Variants in HIVEP2 observed in about 807,000 individuals in gnomAD.
The protein encoded by HIVEP2 is transcription factor HIVEP2.
Under a neutral mutation model 180.7 loss-of-function variants are expected in HIVEP2, and 14 were observed. The ratio of observed to expected loss-of-function variants is 0.08; its 90% CI spans 0.05 to 0.12. The LOEUF (loss-of-function observed/expected upper bound fraction) is 0.12, where lower values mean the gene tolerates loss of function less well. Among genes scored for constraint, HIVEP2 ranks in the 10% least tolerant of loss-of-function variants. The pLI, the probability that HIVEP2 is intolerant of heterozygous loss-of-function variation, is 1.00. For synonymous variants in HIVEP2, 1,184 were observed against 1,136.4 expected, an observed-to-expected ratio of 1.04 and a Z score of -0.84; for missense variants, 2,579 against 3,008.5, an observed-to-expected ratio of 0.86 and a Z score of 3.34.
chr6:142,894,008 C>T (rs1053866898), intron 1 of HIVEP2, among the ~76,000 whole-genome samples: 3 of 152,202 alleles, frequency 2.0e-5, no homozygotes, highest in East Asian at 1.9e-4. Flanking sequence ...CACAAACATT[C>T]GCTCACTTAA....
Position 142,885,960 on chromosome 6 carries a change from C to T in HIVEP2, c.-640-48913G>A, listed in dbSNP as rs1169818268. Among the ~76,000 whole-genome samples, 4 of 152,156 alleles carry T rather than the reference C, an allele frequency of 2.6e-5. No individual in the cohort carries two copies. In the East Asian group the frequency reaches 7.7e-4, roughly 29 times the overall value. ...ATCAGTCCAAAGAAATACAGCCTTACTTGCTTTCCAAATAAACTTTAGGAA... is the reference window on the plus strand; with the variant it reads ...ATCAGTCCAAAGAAATACAGCCTTATTTGCTTTCCAAATAAACTTTAGGAA... On this transcript the variant is annotated intron_variant, in intron 1 of 9. Transcript: ENST00000367603.
At position 142,753,928 on chromosome 6, in the gene HIVEP2, A is replaced by T; in HGVS notation, c.6520T>A (p.Leu2174Ile). 1 of 1,550,402 alleles carries T rather than the reference A, an allele frequency of 6.4e-7. No homozygotes were observed. Among genetic ancestry groups the T allele is most frequent in the South Asian group, 1.1e-5 (1 of 87,704 alleles). ...GGAACCTGAGGTAATCCTCTTCTTA[A>T]ATTCTGCGCAGAGAAACAAAGAGAG... ...AEPIVLGPPN[L>I]RRGLPQVPYF... Residue 2174 changes from leucine to isoleucine, a missense_variant, in exon 10 of 10, where the codon TTA becomes ATA. By Grantham distance (5) the Leu-to-Ile change is conservative. Coordinates refer to ENST00000367603, the MANE Select transcript of HIVEP2 (RefSeq NM_006734.4).
chr6:142,898,270 A>T (rs1452192798), intron 1 of HIVEP2, among the ~76,000 whole-genome samples: 1 of 152,180 alleles, frequency 6.6e-6, no homozygotes, highest in African/African-American at 2.4e-5. Flanking sequence ...ACAGGTGATA[A>T]ACTGGAGAAG....
Position 142,753,594 on chromosome 6 carries a change from C to T in HIVEP2, c.6854G>A (p.Arg2285Gln), listed in dbSNP as rs894058552. ...AGATGACTGCAAAGCGTGAGGACCT[C>T]GCTTCTCATGCTGCTTAGAAAGCAC... is the stretch of plus-strand genomic sequence containing the variant. The part of the protein sequence containing the change: ...PYVLSKQHEK[R>Q]GPHALQSSGP... Residue 2285 changes from arginine to glutamine, a missense_variant, in exon 10 of 10, where the codon CGA (arginine) becomes CAA (glutamine). Around this residue, in one of 11 missense-constraint regions of HIVEP2, gnomAD observed 660 missense variants for 731.7 expected, o/e 0.90. Transcript: ENST00000367603. 4 of 1,614,006 alleles carry T rather than the reference C, an allele frequency of 2.5e-6. No individual in the cohort carries two copies. In the African/African-American group the frequency reaches 5.3e-5, roughly 22 times the overall value.
chr6:142,831,224 AG>A (rs927414240), intron 2 of HIVEP2, among the ~76,000 whole-genome samples: 5 of 152,196 alleles, frequency 3.3e-5, no homozygotes, highest in African/African-American at 1.2e-4. Context: ...GGGATATGGG[AG>A]GAAATCAGAA....
At chr6:142,862,763 G>A (rs1182443258) in intron 1 of HIVEP2, among the ~76,000 whole-genome samples, 2 of 131,602 alleles carry the variant, frequency 1.5e-5, no homozygotes, top group African/African-American at 2.9e-5. Flanking sequence ...CATATATTAT[G>A]TAATATATTA....
intron 1 of HIVEP2, among the ~76,000 whole-genome samples, chr6:142,862,872 T>C (rs1427462322): frequency 7.7e-6 from 1 of 129,904 alleles, no homozygotes; most frequent in Non-Finnish European, 1.5e-5. Flanking sequence ...TATAAATATC[T>C]ATTATATGTA....
At chr6:142,818,196 A>C (rs1194727597) in intron 2 of HIVEP2, among the ~76,000 whole-genome samples, 1 of 152,188 alleles carries the variant, frequency 6.6e-6, no homozygotes, top group East Asian at 1.9e-4. Flanking sequence ...AGCCAGCTTC[A>C]AACACAGCTT....
chr6:142,912,385 C>A (rs1197785370), intron 1 of HIVEP2, among the ~76,000 whole-genome samples: 1 of 152,236 alleles, frequency 6.6e-6, no homozygotes, highest in Non-Finnish European at 1.5e-5. Flanking sequence ...TCTCAAGCCC[C>A]TCTAGTAGAA....
At chr6:142,888,024 C>T (rs1443571029) in intron 1 of HIVEP2, among the ~76,000 whole-genome samples, 1 of 151,978 alleles carries the variant, frequency 6.6e-6, no homozygotes, top group Non-Finnish European at 1.5e-5. Context: ...ATTCATTCCC[C>T]TATGTCACTA....
intron 1 of HIVEP2, among the ~76,000 whole-genome samples, chr6:142,875,981 AAAG>A (rs1776424466): frequency 6.6e-6 from 1 of 152,280 alleles, no homozygotes; most frequent in East Asian, 1.9e-4. Context: ...GAATTTAGAT[AAAG>A]AAGATAGGAG....
At chr6:142,934,912 G>A (rs1364998214) in intron 1 of HIVEP2, among the ~76,000 whole-genome samples, 1 of 152,094 alleles carries the variant, frequency 6.6e-6, no homozygotes, top group East Asian at 1.9e-4. Context: ...GATCCAAACA[G>A]GCACACCAAG....
intron 2 of HIVEP2, among the ~76,000 whole-genome samples, chr6:142,796,023 G>A (rs890334877): frequency 6.6e-6 from 1 of 152,054 alleles, no homozygotes; most frequent in South Asian, 2.1e-4. Context: ...AGCCCACGTG[G>A]AGAGGACACA....
At chr6:142,918,352 ATTT>A (rs375530932) in intron 1 of HIVEP2, among the ~76,000 whole-genome samples, 1 of 152,058 alleles carries the variant, frequency 6.6e-6, no homozygotes, top group Non-Finnish European at 1.5e-5. Context: ...AGCCCTATTT[ATTT>A]TTTTCTATTA....
chr6:142,760,448 G>C lies in HIVEP2; in HGVS notation c.5840C>G (p.Pro1947Arg). The C allele has an allele frequency of 1.5e-5, 25 of 1,614,164 alleles. No homozygotes were observed. The highest frequency in any genetic ancestry group is 2.1e-5 in the Non-Finnish European group (25 of 1,180,028). Residue 1947 changes from proline (P) to arginine (R), a missense_variant, in exon 9 of 10, where the codon CCT becomes CGT. Coordinates refer to ENST00000367603, the MANE Select transcript of HIVEP2 (RefSeq NM_006734.4). ...GTGGGGTACGGCGCCAACATTCACAGGCAAGGAGGAGAATCTAGGAGGCTG... is the reference window on the plus strand; with the variant it reads ...GTGGGGTACGGCGCCAACATTCACACGCAAGGAGGAGAATCTAGGAGGCTG... ...SPQPPRFSSL[P>R]VNVGAVPHGV...
At chr6:142,932,092 G>A (rs1777954210) in intron 1 of HIVEP2, among the ~76,000 whole-genome samples, 1 of 152,046 alleles carries the variant, frequency 6.6e-6, no homozygotes, top group Non-Finnish European at 1.5e-5. Flanking sequence ...CCTCTCTCAT[G>A]GTACTTAACC....
intron 3 of HIVEP2, among the ~76,000 whole-genome samples, chr6:142,782,271 A>G (rs1404073065): frequency 6.6e-6 from 1 of 152,138 alleles, no homozygotes; most frequent in Non-Finnish European, 1.5e-5. Flanking sequence ...ACATCATTGT[A>G]TTTGTTATTA....
intron 2 of HIVEP2, among the ~76,000 whole-genome samples, chr6:142,827,036 C>G (rs1330898555): frequency 6.6e-6 from 1 of 152,068 alleles, no homozygotes; most frequent in Non-Finnish European, 1.5e-5. Flanking sequence ...ACTTTTGTGC[C>G]TTTGTGGGGT....
At chr6:142,831,572 T>A (rs910171015) in intron 2 of HIVEP2, among the ~76,000 whole-genome samples, 4 of 152,200 alleles carry the variant, frequency 2.6e-5, no homozygotes, top group African/African-American at 9.6e-5. Flanking sequence ...TACACAGGAA[T>A]CCCTCATAGT....
Sources: gnomAD v4.1 joint callset for allele counts (sites outside exome capture counted in the v4.1 genomes callset) on GRCh38, gnomAD v4.1.1 for gene constraint, gnomAD v4.1.1 regional missense constraint, MANE v1.5 for transcripts, NCBI Gene and HGNC (gene_info 2026-07-23, HGNC 2026-07-21) for gene names.